MMP1: variants seen among roughly 807,000 people sequenced by gnomAD.
MMP1 encodes the protein interstitial collagenase.
MMP1 carries 51 observed loss-of-function variants against 49.6 expected under a neutral mutation model. The observed-to-expected ratio is 1.03, with a 90% CI of 0.82 to 1.30. The LOEUF (loss-of-function observed/expected upper bound fraction) is 1.30, where lower values mean the gene tolerates loss of function less well. Among genes scored for constraint, MMP1 ranks in the 50% most tolerant of loss-of-function variants. The pLI is 0.00. For missense variants in MMP1, 623 were observed against 568.7 expected, an observed-to-expected ratio of 1.10 and a Z score of -0.97; for synonymous variants, 230 against 196.8, an observed-to-expected ratio of 1.17 and a Z score of -1.41.
In MMP1 at chr11:102,798,028, G is replaced by A. The variant is rs371106856; in HGVS notation, c.65C>T (p.Ala22Val). The A allele has an allele frequency of 1.9e-5, 31 of 1,613,350 alleles. 1 individual carries two copies. In the African/African-American group the frequency reaches 2.0e-4, roughly 10 times the overall value. Residue 22 changes from alanine to valine, a missense_variant, in exon 1 of 10, where the codon GCG becomes GTG. Ala to Val is a moderately conservative substitution (Grantham distance 64). Coordinates refer to ENST00000315274, the MANE Select transcript of MMP1 (RefSeq NM_002421.4). ...ATCTTGCTCTTGTGTTTCTAGAGTCGCTGGGAAGCTGTGAGACACCACACC... is the reference window on the plus strand; with the variant it reads ...ATCTTGCTCTTGTGTTTCTAGAGTCACTGGGAAGCTGTGAGACACCACACC... ...FWGVVSHSFPATLETQEQDVD... is the reference protein window; with the variant it reads ...FWGVVSHSFPVTLETQEQDVD...
rs1858149605 is a variant in MMP1, at chr11:102,795,270, T to C, written c.803A>G (p.Gln268Arg). 2 of 1,614,122 alleles carry C rather than the reference T, an allele frequency of 1.2e-6. No individual in the cohort carries two copies. The highest frequency in any genetic ancestry group is 2.2e-5 in the South Asian group (2 of 91,088). The change falls in exon 6 of 10, where the codon CAG (glutamine) becomes CGG (arginine). Residue 268 changes from glutamine (Q) to arginine (R), a missense_variant. By Grantham distance (43) the Gln-to-Arg change is conservative. Coordinates refer to ENST00000315274, the MANE Select transcript of MMP1 (RefSeq NM_002421.4). ...TTTTGGGGTTTGTGGGCCGATGGGC[T>C]GGACAGGATTTTGGGAACGTCCTAA... ...AIYGRSQNPV[Q>R]PIGPQTPKAC...
rs368784235 is a variant in MMP1, at chr11:102,797,327, T to G, written c.279A>C (p.Gly93=). The part of the protein sequence containing the change: ...TLKVMKQPRC[G]VPDVAQFVLT... The stretch of plus-strand genomic sequence containing the variant: ...GGACAAACTGAGCCACATCAGGCAC[T>G]CCACATCTGGGCTGCTTCATCACCT... The change falls in exon 2 of 10, where the codon GGA becomes GGC. Residue 93 remains glycine (G), a synonymous_variant. Coordinates refer to ENST00000315274, the MANE Select transcript of MMP1 (RefSeq NM_002421.4). 12 of 1,614,044 alleles carry G rather than the reference T, an allele frequency of 7.4e-6. No homozygotes were observed. The African/African-American group carries it at 1.6e-4, about 22-fold the overall frequency.
chr11:102,793,985 C>G (rs1006463947), intron 6 of MMP1, among the ~76,000 whole-genome samples: 1 of 152,170 alleles, frequency 6.6e-6, no homozygotes, highest in African/African-American at 2.4e-5. Flanking sequence ...CATGTCTCCT[C>G]GACATGGCGA....
chr11:102,790,787 A>T lies in MMP1; in HGVS notation c.1216T>A (p.Ser406Thr), dbSNP rs17884120. 720 of 1,609,558 alleles carry T rather than the reference A, an allele frequency of 4.5e-4. 1 individual carries two copies. In the African/African-American group the frequency reaches 8.6e-3, roughly 19 times the overall value. The change falls in exon 9 of 10, where the codon TCT (serine) becomes ACT (threonine). Residue 406 changes from serine (S) to threonine (T), a missense_variant. By Grantham distance (58) the Ser-to-Thr change is moderately conservative. Transcript: ENST00000315274. ...KYWRYDEYKR[S>T]MDPGYPKMIA... Reference sequence around the variant, plus strand: ...ATTTTGGGATAACCTGGATCCATAGATCGTTTATATTCATCATACCTGGTC... The same window carrying T: ...ATTTTGGGATAACCTGGATCCATAGTTCGTTTATATTCATCATACCTGGTC...
At position 102,795,224 on chromosome 11, in the gene MMP1, G is replaced by A; in HGVS notation, c.849C>T (p.Thr283=). The change falls in exon 6 of 10, where the codon ACC becomes ACT. Residue 283 remains threonine, a synonymous_variant. Coordinates refer to ENST00000315274, the MANE Select transcript of MMP1 (RefSeq NM_002421.4). ...CCCGAATCGTAGTTATAGCATCAAAGGTTAGCTTACTGTCACACGCTTTTG... is the reference window on the plus strand; with the variant it reads ...CCCGAATCGTAGTTATAGCATCAAAAGTTAGCTTACTGTCACACGCTTTTG... The part of the protein sequence containing the change: ...QTPKACDSKL[T]FDAITTIRGE... The A allele has an allele frequency of 1.2e-6, 2 of 1,614,114 alleles. No homozygotes were observed. The highest frequency in any genetic ancestry group is 2.2e-5 in the East Asian group (1 of 44,890).
rs1240071912 is a variant in MMP1 at position 102,797,503 on chromosome 11, G to C, written c.106-3C>G. 3.1e-6 allele frequency: 5 copies of C among 1,613,016 alleles called. No individual in the cohort carries two copies. The highest frequency in any genetic ancestry group is 1.7e-6 in the Non-Finnish European group (2 of 1,179,444). Reference sequence around the variant, plus strand: ...TTGTAGTATTTTTCCAGGTATTTCTGACAAAAGAAAATTATCGAAACACTG... The same window carrying C: ...TTGTAGTATTTTTCCAGGTATTTCTCACAAAAGAAAATTATCGAAACACTG... On this transcript the variant is annotated splice_region_variant and splice_polypyrimidine_tract_variant and intron_variant, in intron 1 of 9. Coordinates refer to ENST00000315274, the MANE Select transcript of MMP1 (RefSeq NM_002421.4).
chr11:102,793,011 G>A (rs190146278), intron 6 of MMP1: 143 of 244,262 alleles, frequency 5.9e-4, no homozygotes, highest in African/African-American at 2.9e-3. Flanking sequence ...TAAATAAGTA[G>A]AAAAATGCAG....
chr11:102,793,070 AT>A (rs1858079444), intron 6 of MMP1: 1 of 162,396 alleles, frequency 6.2e-6, no homozygotes, highest in South Asian at 2.0e-4. Context: ...ATTACCTTTT[AT>A]TTTAATGTAA....
intron 6 of MMP1, among the ~76,000 whole-genome samples, chr11:102,793,822 G>C (rs1387309479): frequency 1.3e-5 from 2 of 152,198 alleles, no homozygotes; most frequent in Non-Finnish European, 2.9e-5. Flanking sequence ...AGCATAGACT[G>C]TTATGTGGGC....
chr11:102,797,634 C>G, intron 1 of MMP1, 134 bp from the exon 2 acceptor site: 1 of 1,171,272 alleles, frequency 8.5e-7, no homozygotes, highest in Middle Eastern at 2.8e-4. Context: ...TTGCTTTTAT[C>G]CTTATTTTTG....
Position 102,798,126 on chromosome 11 carries a change from AG to A in MMP1, c.-35del. 6.4e-7 allele frequency: 1 copy of A among 1,559,420 alleles called. No individual in the cohort carries two copies. The highest frequency in any genetic ancestry group is 8.7e-7 in the Non-Finnish European group (1 of 1,147,090). The stretch of plus-strand genomic sequence containing the variant: ...TTGTCTTCTTTCTCAGTGCAAGGTA[AG>A]TGATGGCTTCCCAGCCTCTTGCTGC... On this transcript the variant is annotated 5_prime_UTR_variant, in exon 1 of 10. Coordinates refer to ENST00000315274, the MANE Select transcript of MMP1 (RefSeq NM_002421.4).
At chr11:102,792,874 G>T (rs73589547) in intron 6 of MMP1, 136 bp from the exon 7 acceptor site, 4 of 786,060 alleles carry the variant, frequency 5.1e-6, no homozygotes, top group Non-Finnish European at 6.1e-6. Context: ...TCCAAAGAAG[G>T]GTTGGTTTAT....
intron 7 of MMP1, 79 bp downstream of exon 7, chr11:102,792,526 C>A: frequency 7.2e-7 from 1 of 1,390,106 alleles, no homozygotes; most frequent in Middle Eastern, 1.9e-4. Flanking sequence ...GAGAATGTAG[C>A]TAGTAACCTT....
chr11:102,796,723 G>A lies in MMP1; in HGVS notation c.566C>T (p.Pro189Leu), dbSNP rs920563865. Reference sequence around the variant, plus strand: ...AAAATGAGCATCCCCTCCAATACCTGGGCCTGGTTGAAAAGCATGAGCAAG... The same window carrying A: ...AAAATGAGCATCCCCTCCAATACCTAGGCCTGGTTGAAAAGCATGAGCAAG... ...GNLAHAFQPG[P>L]GIGGDAHFDE... Residue 189 changes from proline (P) to leucine (L), a missense_variant, in exon 4 of 10, where the codon CCA (proline) becomes CTA (leucine). Transcript: ENST00000315274. 6.2e-7 allele frequency: 1 copy of A among 1,613,846 alleles called. No individual in the cohort carries two copies. Among genetic ancestry groups the A allele is most frequent in the Non-Finnish European group, 8.5e-7 (1 of 1,179,930 alleles).
intron 9 of MMP1, 76 bp from the exon 10 acceptor site, chr11:102,790,597 A>T (rs962697753): frequency 7.6e-7 from 1 of 1,314,536 alleles, no homozygotes; most frequent in African/African-American, 1.5e-5. Context: ...TGAGAAACCA[A>T]TTCATCTGTG....
At position 102,795,561 on chromosome 11, in the gene MMP1, A is replaced by C. The variant is rs763404221; in HGVS notation, c.672T>G (p.Leu224=). ...RVAAHELGHS[L]GLSHSTDIGA... Reference sequence around the variant, plus strand: ...CGATATCAGTAGAATGGGAGAGTCCAAGAGAATGGCCGAGTTCATGAGCTG... The same window carrying C: ...CGATATCAGTAGAATGGGAGAGTCCCAGAGAATGGCCGAGTTCATGAGCTG... The change falls in exon 5 of 10, where the codon CTT becomes CTG. Residue 224 remains leucine, a synonymous_variant. Transcript: ENST00000315274. 3.1e-6 allele frequency: 5 copies of C among 1,613,894 alleles called. No individual in the cohort carries two copies. Among genetic ancestry groups the C allele is most frequent in the African/African-American group, 1.3e-5 (1 of 74,920 alleles).
intron 3 of MMP1, 80 bp downstream of exon 3, chr11:102,796,934 A>C (rs933705721): frequency 1.3e-6 from 2 of 1,545,414 alleles, no homozygotes; most frequent in African/African-American, 2.7e-5. Context: ...ATCAACATTC[A>C]TCTTAAACAA....
chr11:102,797,056 A>T lies in MMP1; in HGVS notation c.457T>A (p.Ser153Thr). Residue 153 changes from serine to threonine, a missense_variant, in exon 3 of 10, where the codon TCT (serine) becomes ACT (threonine). Physicochemically the swap from Ser to Thr is moderately conservative, Grantham distance 58. Transcript: ENST00000315274. Reference sequence around the variant, plus strand: ...ATCATGATGTCTGCTTGACCCTCAGAGACCTTGGTGAATGTCAGAGGTGTG... The same window carrying T: ...ATCATGATGTCTGCTTGACCCTCAGTGACCTTGGTGAATGTCAGAGGTGTG... The part of the protein sequence containing the change: ...NVTPLTFTKV[S>T]EGQADIMISF... 1 of 1,614,166 alleles carries T rather than the reference A, an allele frequency of 6.2e-7. No homozygotes were observed. The highest frequency in any genetic ancestry group is 8.5e-7 in the Non-Finnish European group (1 of 1,180,026).
chr11:102,791,246 G>A, intron 8 of MMP1, 87 bp downstream of exon 8: 1 of 1,455,296 alleles, frequency 6.9e-7, no homozygotes, highest in Non-Finnish European at 9.5e-7. Flanking sequence ...GGCCAAGGCA[G>A]TTTGAGACTC....
Sources: gnomAD v4.1 joint callset for allele counts (sites outside exome capture counted in the v4.1 genomes callset) on GRCh38, gnomAD v4.1.1 for gene constraint, MANE v1.5 for transcripts, NCBI Gene and HGNC (gene_info 2026-07-23, HGNC 2026-07-21) for gene names.